The following EXOC4 variants were observed in gnomAD, a reference collection of about 807,000 sequenced individuals.
EXOC4 encodes the protein SEC8-like 1.
In EXOC4, 71 loss-of-function variants were observed where a neutral mutation model predicts 107.2. That is an observed-to-expected ratio of 0.66 (90% CI 0.55 to 0.81). EXOC4 has a LOEUF of 0.81. EXOC4 is among the 30% of genes least tolerant of loss of function. The pLI, the probability that EXOC4 is intolerant of heterozygous loss-of-function variation, is 0.00. For synonymous variants in EXOC4, 456 were observed against 441.2 expected (o/e 1.03, Z -0.42); for missense variants, 1,108 against 1,189.6 (o/e 0.93, Z 1.01).
At chr7:133,312,157 G>A (rs919435828) in intron 4 of EXOC4, among the ~76,000 whole-genome samples, 2 of 152,132 alleles carry the variant, frequency 1.3e-5, no homozygotes, top group Admixed American at 1.3e-4. Context: ...CAGCTTAAAT[G>A]TTCATCAAGA....
intron 4 of EXOC4, among the ~76,000 whole-genome samples, chr7:133,310,581 AAT>A (rs1794849300): frequency 6.6e-6 from 1 of 152,236 alleles, no homozygotes; most frequent in South Asian, 2.1e-4. Flanking sequence ...AAGTCTGTAT[AAT>A]CAGGCTCTAA....
At chr7:133,716,543 A>G (rs994588880) in intron 10 of EXOC4, among the ~76,000 whole-genome samples, 7 of 152,242 alleles carry the variant, frequency 4.6e-5, no homozygotes, top group African/African-American at 1.7e-4. Context: ...ATAGATTATG[A>G]TATGGTCTCC....
chr7:134,060,855 ATT>A (rs34447937), intron 17 of EXOC4, among the ~76,000 whole-genome samples: 1 of 152,078 alleles, frequency 6.6e-6, no homozygotes, highest in African/African-American at 2.4e-5. Flanking sequence ...TTATGGAGGA[ATT>A]TTTTCTCTCT....
intron 17 of EXOC4, among the ~76,000 whole-genome samples, chr7:134,037,926 GGTGTTC>G (rs1795428033): frequency 6.6e-6 from 1 of 152,132 alleles, no homozygotes; most frequent in South Asian, 2.1e-4. Context: ...CACCAACTCA[GGTGTTC>G]TCTGATTCTG....
chr7:134,059,574 T>A (rs190693233), intron 17 of EXOC4, among the ~76,000 whole-genome samples: 6 of 152,312 alleles, frequency 3.9e-5, no homozygotes, highest in Non-Finnish European at 2.9e-5. Context: ...AGAGCTTTTT[T>A]AGAAAGCAAC....
chr7:133,974,281 G>A (rs573783518), intron 14 of EXOC4, among the ~76,000 whole-genome samples: 12 of 152,310 alleles, frequency 7.9e-5, no homozygotes, highest in Non-Finnish European at 1.6e-4. Context: ...GCTATATTAA[G>A]CACTGTGCTA....
chr7:133,426,915 A>G (rs1009449828), intron 7 of EXOC4, among the ~76,000 whole-genome samples: 4 of 152,200 alleles, frequency 2.6e-5, no homozygotes, highest in Non-Finnish European at 4.4e-5. Context: ...TTATATTGAC[A>G]GTGTGATCCA....
At chr7:134,048,568 G>T (rs1795708918) in intron 17 of EXOC4, among the ~76,000 whole-genome samples, 1 of 152,180 alleles carries the variant, frequency 6.6e-6, no homozygotes, top group South Asian at 2.1e-4. Flanking sequence ...AACCAGACCA[G>T]TTGAGGAGTA....
intron 5 of EXOC4, among the ~76,000 whole-genome samples, chr7:133,322,422 A>G (rs190679833): frequency 1.5e-4 from 23 of 152,294 alleles, no homozygotes; most frequent in African/African-American, 5.3e-4. Context: ...GTCCAGTTTC[A>G]GTTTTCTGCA....
chr7:133,473,835 G>A (rs1418282635), intron 7 of EXOC4, among the ~76,000 whole-genome samples: 3 of 151,766 alleles, frequency 2.0e-5, no homozygotes, highest in Non-Finnish European at 4.4e-5. Context: ...TGAGTAGCTG[G>A]GACTACAGGC....
intron 10 of EXOC4, among the ~76,000 whole-genome samples, chr7:133,800,654 A>G (rs529784187): frequency 1.3e-5 from 2 of 152,324 alleles, no homozygotes; most frequent in South Asian, 2.1e-4. Context: ...CTTAGGAACA[A>G]TAGTCAAAAA....
chr7:133,512,249 G>A (rs1799783074), intron 9 of EXOC4, among the ~76,000 whole-genome samples: 1 of 152,054 alleles, frequency 6.6e-6, no homozygotes, highest in Admixed American at 6.6e-5. Context: ...GGCCAACATG[G>A]GGAAACCCCG....
At chr7:133,298,451 C>A (rs1036683454) in intron 3 of EXOC4, among the ~76,000 whole-genome samples, 1 of 152,046 alleles carries the variant, frequency 6.6e-6, no homozygotes, top group Non-Finnish European at 1.5e-5. Context: ...GACTTTAGGA[C>A]GCTTGTTAAA....
chr7:133,361,262 C>T (rs1796129868), intron 6 of EXOC4, among the ~76,000 whole-genome samples: 1 of 152,066 alleles, frequency 6.6e-6, no homozygotes, highest in Non-Finnish European at 1.5e-5. Context: ...ACTGTTTTTG[C>T]TTACCTCTGT....
At chr7:133,702,043 C>T (rs1338789788) in intron 10 of EXOC4, among the ~76,000 whole-genome samples, 2 of 131,772 alleles carry the variant, frequency 1.5e-5, no homozygotes, top group Non-Finnish European at 3.1e-5. Context: ...CTCTGTCACC[C>T]AGGCTGGAGT....
intron 11 of EXOC4, among the ~76,000 whole-genome samples, chr7:133,822,795 C>G (rs756536055): frequency 2.6e-5 from 4 of 152,204 alleles, no homozygotes; most frequent in Non-Finnish European, 5.9e-5. Context: ...GAAGCATACT[C>G]TTAACATAAC....
At chr7:133,457,908 C>T (rs528994959) in intron 7 of EXOC4, among the ~76,000 whole-genome samples, 1 of 152,148 alleles carries the variant, frequency 6.6e-6, no homozygotes, top group Non-Finnish European at 1.5e-5. Flanking sequence ...ACAATGTATG[C>T]TTTTCTTCTA....
intron 9 of EXOC4, among the ~76,000 whole-genome samples, chr7:133,519,048 G>A (rs1290851062): frequency 6.6e-6 from 1 of 152,052 alleles, no homozygotes; most frequent in African/African-American, 2.4e-5. Flanking sequence ...TGAAAAATTG[G>A]CAACTTCTAA....
Position 134,007,664 on chromosome 7 carries a change from C to A in EXOC4, c.2528-12C>A. ...TCCGTTTTCTTTGCCCCGCACTGTG[C>A]TGACCCCTCAGGCCTGGGCCACCTG... is the stretch of plus-strand genomic sequence containing the variant. On this transcript the variant is annotated splice_polypyrimidine_tract_variant and intron_variant, in intron 16 of 17. Coordinates refer to ENST00000253861, the MANE Select transcript of EXOC4 (RefSeq NM_021807.4). 1.9e-6 allele frequency: 3 copies of A among 1,609,698 alleles called. No individual in the cohort carries two copies. The highest frequency in any genetic ancestry group is 2.5e-6 in the Non-Finnish European group (3 of 1,177,798).
Sources: allele counts gnomAD v4.1 joint callset (sites outside exome capture counted in the v4.1 genomes callset), GRCh38; gene constraint gnomAD v4.1.1; transcripts MANE v1.5; gene names NCBI Gene and HGNC (gene_info 2026-07-23, HGNC 2026-07-21).